MACROD1: variants seen among roughly 807,000 people sequenced by gnomAD.
The protein encoded by MACROD1 is mono-ADP ribosylhydrolase 1.
MACROD1 carries 31 observed loss-of-function variants against 41.4 expected under a neutral mutation model. The ratio of observed to expected loss-of-function variants is 0.75; its 90% CI spans 0.56 to 1.01. MACROD1 has a LOEUF of 1.01. Ranked by LOEUF, MACROD1 falls within the 50% of genes least tolerant of loss-of-function variation. The pLI is 0.00. For missense variants in MACROD1, 473 were observed against 460.0 expected (o/e 1.03, Z -0.26); for synonymous variants, 252 against 203.4 (o/e 1.24, Z -2.03).
chr11:63,998,710 G>C, intron 10 of MACROD1, 23 bp from the exon 11 acceptor site: 1 of 1,395,202 alleles, frequency 7.2e-7, no homozygotes, highest in Non-Finnish European at 9.3e-7. Context: ...CAGAGTCAGA[G>C]GTGTCTATGG....
chr11:64,001,106 C>T (rs1942817820), intron 4 of MACROD1: 1 of 350,258 alleles, frequency 2.9e-6, no homozygotes, highest in South Asian at 4.3e-5. Flanking sequence ...GGGACCCGGG[C>T]GCAGATAAAC....
At chr11:64,013,075 C>T (rs2134338535) in intron 4 of MACROD1, among the ~76,000 whole-genome samples, 1 of 152,296 alleles carries the variant, frequency 6.6e-6, no homozygotes, top group East Asian at 1.9e-4. Flanking sequence ...AGCAATCCTC[C>T]TGCCTCGGCC....
At position 64,064,242 on chromosome 11, in the gene MACROD1, G is replaced by C. The variant is rs568453931; in HGVS notation, c.518-48961C>G. On this transcript the variant is annotated intron_variant, in intron 3 of 10. Transcript: ENST00000255681. This position sits in a 1 kb window ranked among gnomAD's most constrained non-coding sequence, Gnocchi z 4.5. The stretch of plus-strand genomic sequence containing the variant: ...AAAAAATCCCAAACTGCACAGCCTA[G>C]GGTTGGGGACAAAAAGCAACCAAGC... Among the ~76,000 whole-genome samples the C allele has an allele frequency of 6.6e-6, 1 of 152,320 alleles. No homozygotes were observed. The highest frequency in any genetic ancestry group is 1.5e-5 in the Non-Finnish European group (1 of 68,034).
chr11:64,108,165 T>C (rs1196151220), intron 3 of MACROD1, among the ~76,000 whole-genome samples: 1 of 151,600 alleles, frequency 6.6e-6, no homozygotes, highest in Non-Finnish European at 1.5e-5. Flanking sequence ...AATACAAAAT[T>C]AGTGGGGCGT....
In MACROD1 at chr11:64,055,083, C is replaced by T. The variant is rs377453938; in HGVS notation, c.518-39802G>A. Among the ~76,000 whole-genome samples the T allele has an allele frequency of 1.6e-4, 25 of 152,252 alleles. No individual in the cohort carries two copies. The East Asian group carries it at 4.4e-3, about 27-fold the overall frequency. ...CCTTCCTAGATCCCCCCAGCCTGGT[C>T]CAGAAGGTGACCCTCATCACCGCCA... On this transcript the variant is annotated intron_variant, in intron 3 of 10. Coordinates refer to ENST00000255681, the MANE Select transcript of MACROD1 (RefSeq NM_014067.4).
Position 64,067,720 on chromosome 11 carries a change from G to T in MACROD1, c.518-52439C>A, listed in dbSNP as rs989435237. The stretch of plus-strand genomic sequence containing the variant: ...TGCAGTGATTGCGGACACGCCCCTC[G>T]CGAGGCACCGCAGGCTGCCACCCCC... On this transcript the variant is annotated intron_variant, in intron 3 of 10. Transcript: ENST00000255681. This position sits in a 1 kb window ranked among gnomAD's most constrained non-coding sequence, Gnocchi z 4.6. 6.6e-6 allele frequency among the ~76,000 whole-genome samples: 1 copy of T among 152,176 alleles called. No individual in the cohort carries two copies. Among genetic ancestry groups the T allele is most frequent in the African/African-American group, 2.4e-5 (1 of 41,440 alleles).
chr11:64,017,733 C>T (rs573312833), intron 3 of MACROD1, among the ~76,000 whole-genome samples: 123 of 152,230 alleles, frequency 8.1e-4, no homozygotes, highest in African/African-American at 2.9e-3. Flanking sequence ...GCCCCTTGGC[C>T]TGGGCAGTCC....
intron 3 of MACROD1, among the ~76,000 whole-genome samples, chr11:64,148,537 C>G (rs928778674): frequency 6.6e-6 from 1 of 152,172 alleles, no homozygotes. Flanking sequence ...AAATCCCCAC[C>G]CCAAGATAAT....
At chr11:64,062,266 C>T (rs974639136) in intron 3 of MACROD1, among the ~76,000 whole-genome samples, 2 of 152,126 alleles carry the variant, frequency 1.3e-5, no homozygotes, top group Non-Finnish European at 2.9e-5. Context: ...GTACTTGGCA[C>T]ACAGTAGGTG....
chr11:64,138,464 C>T (rs1379949494), intron 3 of MACROD1: 1 of 968,602 alleles, frequency 1.0e-6, no homozygotes, highest in African/African-American at 1.8e-5. Context: ...TTTAATGTTC[C>T]TGTTTCTCCT....
intron 3 of MACROD1, among the ~76,000 whole-genome samples, chr11:64,044,044 A>G (rs539591762): frequency 1.3e-5 from 2 of 151,646 alleles, no homozygotes; most frequent in East Asian, 3.9e-4. Flanking sequence ...CGAACTCCTG[A>G]CCCTCAGGTG....
At chr11:64,063,915 G>C (rs1229328968) in intron 3 of MACROD1, among the ~76,000 whole-genome samples, 3 of 152,208 alleles carry the variant, frequency 2.0e-5, no homozygotes, top group Admixed American at 2.0e-4. Flanking sequence ...GCCCTCCCCA[G>C]TGAGCTGCGG....
chr11:64,115,247 AG>A (rs1407338352), intron 3 of MACROD1, among the ~76,000 whole-genome samples: 4 of 152,216 alleles, frequency 2.6e-5, no homozygotes, highest in Non-Finnish European at 5.9e-5. Context: ...AAATAATATA[AG>A]AAAAATCTAT....
rs1193812540 is a variant in MACROD1 at position 64,061,241 on chromosome 11, C to T, written c.518-45960G>A. ...AATAAATGCATTTGGAGTAATCTGGCGATCACGCGGTGTAATTGCTGGCTG... is the reference window on the plus strand; with the variant it reads ...AATAAATGCATTTGGAGTAATCTGGTGATCACGCGGTGTAATTGCTGGCTG... On this transcript the variant is annotated intron_variant, in intron 3 of 10. Coordinates refer to ENST00000255681, the MANE Select transcript of MACROD1 (RefSeq NM_014067.4). Among the ~76,000 whole-genome samples, 6 of 152,368 alleles carry T rather than the reference C, an allele frequency of 3.9e-5. No individual in the cohort carries two copies. In the East Asian group the frequency reaches 1.2e-3, roughly 29 times the overall value.
chr11:64,017,434 G>C (rs965785206), intron 3 of MACROD1, among the ~76,000 whole-genome samples: 4 of 152,272 alleles, frequency 2.6e-5, no homozygotes, highest in African/African-American at 9.6e-5. Flanking sequence ...TCATGGGGTG[G>C]CAGCAGCAGA....
rs1403918893 is a variant in MACROD1 at position 64,090,432 on chromosome 11, C to G, written c.517+60807G>C. ...TTCCTCAACTCACCTCCAGCCCGGG[C>G]AGCAGTGGGTCGATAATAATTTACG... On this transcript the variant is annotated intron_variant, in intron 3 of 10. Coordinates refer to ENST00000255681, the MANE Select transcript of MACROD1 (RefSeq NM_014067.4). This position sits in a 1 kb window ranked among gnomAD's most constrained non-coding sequence, Gnocchi z 4.7. 6.6e-6 allele frequency among the ~76,000 whole-genome samples: 1 copy of G among 152,218 alleles called. No individual in the cohort carries two copies. The highest frequency in any genetic ancestry group is 1.5e-5 in the Non-Finnish European group (1 of 68,036).
At chr11:64,160,901 GTGGCTCACACTTGTAA>G (rs1565266410) in intron 1 of MACROD1, among the ~76,000 whole-genome samples, 1 of 152,014 alleles carries the variant, frequency 6.6e-6, no homozygotes. Flanking sequence ...GGCCGGGATG[GTGGCTCACACTTGTAA>G]TCCCAGCACT....
intron 4 of MACROD1, among the ~76,000 whole-genome samples, chr11:64,010,114 C>T (rs1389062147): frequency 1.2e-3 from 39 of 33,380 alleles, no homozygotes; most frequent in Middle Eastern, 0.016. Context: ...GGGGGGTTGG[C>T]TGGGGTGTTG....
intron 3 of MACROD1, among the ~76,000 whole-genome samples, chr11:64,072,796 A>C (rs1944133255): frequency 6.6e-6 from 1 of 152,186 alleles, no homozygotes; most frequent in Non-Finnish European, 1.5e-5. Context: ...TTTGTGTTGC[A>C]GCTCCACCCT....
Sources: gnomAD v4.1 joint callset for allele counts (sites outside exome capture counted in the v4.1 genomes callset) on GRCh38, gnomAD v4.1.1 for gene constraint, Gnocchi (gnomAD v3.1) non-coding constraint, MANE v1.5 for transcripts, NCBI Gene and HGNC (gene_info 2026-07-23, HGNC 2026-07-21) for gene names.